MEIOB: variants seen among roughly 807,000 people sequenced by gnomAD.
The protein encoded by MEIOB is meiosis-specific with OB domain-containing protein.
Under a neutral mutation model 53.1 loss-of-function variants are expected in MEIOB, and 50 were observed. The ratio of observed to expected loss-of-function variants is 0.94; its 90% CI spans 0.75 to 1.19. The LOEUF is 1.19. Ranked by LOEUF, MEIOB falls within the 50% of genes most tolerant of loss-of-function variation. The pLI, the probability that MEIOB is intolerant of heterozygous loss-of-function variation, is 0.00. For missense variants in MEIOB, 551 were observed against 550.8 expected (o/e 1.00, Z 0.00); for synonymous variants, 192 against 182.5 (o/e 1.05, Z -0.42).
At position 1,834,206 on chromosome 16, in the gene MEIOB, A is replaced by G; in HGVS notation, c.*50T>C. On this transcript the variant is annotated 3_prime_UTR_variant, in exon 14 of 14. Coordinates refer to ENST00000325962, the MANE Select transcript of MEIOB (RefSeq NM_001163560.3). ...TTTTCAAATTAATATTCCATTTTAAAGGGAGTTAAAACTCTTATACTTTTC... is the reference window on the plus strand; with the variant it reads ...TTTTCAAATTAATATTCCATTTTAAGGGGAGTTAAAACTCTTATACTTTTC... The G allele has an allele frequency of 1.1e-6, 1 of 914,468 alleles. No individual in the cohort carries two copies. Among genetic ancestry groups the G allele is most frequent in the East Asian group, 2.5e-5 (1 of 40,764 alleles). The allele number at this position is 914,468 out of a possible 1,614,324, so 56.6% of individuals were successfully genotyped here.
intron 6 of MEIOB, among the ~76,000 whole-genome samples, chr16:1,857,207 C>A (rs964834998): frequency 1.3e-5 from 2 of 152,132 alleles, no homozygotes; most frequent in Non-Finnish European, 2.9e-5. Flanking sequence ...AAGGGAACAC[C>A]CCCCTGGTGC....
At chr16:1,868,020 C>A (rs1037810117) in intron 2 of MEIOB, 87 bp downstream of exon 2, 3 of 714,280 alleles carry the variant, frequency 4.2e-6, no homozygotes, top group South Asian at 3.8e-5. Context: ...ATTATAAAAG[C>A]ATGTGTTGAA....
At chr16:1,838,026 T>A (rs1203554343) in intron 12 of MEIOB, 156 bp from the exon 13 acceptor site, 2 of 1,375,850 alleles carry the variant, frequency 1.5e-6, no homozygotes, top group East Asian at 2.5e-5. Flanking sequence ...AGACAGGGTC[T>A]CACTCTGTCG....
In MEIOB at chr16:1,858,007, C is replaced by T. The variant is rs773174598; in HGVS notation, c.333-77G>A. ...AAATATTTCCAGGTCCACATTTAAA[C>T]TACATTTTTCATTGAAATTTAGACA... is the stretch of plus-strand genomic sequence containing the variant. On this transcript the variant is annotated intron_variant, in intron 5 of 13. Coordinates refer to ENST00000325962, the MANE Select transcript of MEIOB (RefSeq NM_001163560.3). The T allele has an allele frequency of 3.3e-4, 295 of 898,518 alleles. 2 individuals are homozygous for T. The highest frequency in any genetic ancestry group is 7.0e-4 in the Admixed American group (24 of 34,344). The allele number at this position is 898,518 out of a possible 1,614,324, so 55.7% of individuals were successfully genotyped here. A position where few individuals can be genotyped will look rare whatever the true frequency, so the allele number is the denominator to read the frequency against.
At position 1,839,287 on chromosome 16, in the gene MEIOB, C is replaced by T. The variant is rs777438650; in HGVS notation, c.1186G>A (p.Gly396Arg). ...CCCAAAGTCTCCTCAGCAACACTTC[C>T]TGTGAGACTACAGGAATGAAGGGTG... is the stretch of plus-strand genomic sequence containing the variant. The part of the protein sequence containing the change: ...TGTLHSCSLT[G>R]SVAEETLGCT... The change falls in exon 12 of 14, where the codon GGA becomes AGA. Residue 396 changes from glycine (G) to arginine (R), a missense_variant. Coordinates refer to ENST00000325962, the MANE Select transcript of MEIOB (RefSeq NM_001163560.3). The T allele has an allele frequency of 1.8e-4, 292 of 1,613,424 alleles. 2 individuals are homozygous for T. The highest frequency in any genetic ancestry group is 2.4e-4 in the Non-Finnish European group (287 of 1,179,816).
intron 3 of MEIOB, among the ~76,000 whole-genome samples, chr16:1,862,446 T>G (rs1190657339): frequency 6.6e-6 from 1 of 152,168 alleles, no homozygotes; most frequent in Non-Finnish European, 1.5e-5. Context: ...TCTCCTTTTC[T>G]CTCTTACTGT....
At position 1,868,297 on chromosome 16, in the gene MEIOB, C is replaced by G. The variant is rs1350626998; in HGVS notation, c.-9-113G>C. On this transcript the variant is annotated intron_variant, in intron 1 of 13. Coordinates refer to ENST00000325962, the MANE Select transcript of MEIOB (RefSeq NM_001163560.3). ...TAGGGCCGGACATGGTGGCTCATAC[C>G]TGTAATCCCAGCACTTTGGGAGGCT... 4 of 541,840 alleles carry G rather than the reference C, an allele frequency of 7.4e-6. No homozygotes were observed. The African/African-American group carries it at 7.7e-5, about 10-fold the overall frequency. 33.6% of individuals were successfully genotyped at this position (541,840 alleles called of 1,614,324 possible).
chr16:1,847,265 C>T (rs886929453), intron 9 of MEIOB, among the ~76,000 whole-genome samples: 9 of 151,828 alleles, frequency 5.9e-5, no homozygotes, highest in Admixed American at 5.3e-4. Flanking sequence ...AGTTCAAGAC[C>T]AGGCTGGCCA....
intron 2 of MEIOB, among the ~76,000 whole-genome samples, chr16:1,866,931 T>C (rs2150825262): frequency 6.6e-6 from 1 of 152,284 alleles, no homozygotes; most frequent in Admixed American, 6.5e-5. Flanking sequence ...TTGATATTAT[T>C]TCTTCAATTC....
rs1288652971 is a variant in MEIOB, at chr16:1,865,846, A to G, written c.70-11T>C. 4 of 1,539,104 alleles carry G rather than the reference A, an allele frequency of 2.6e-6. No individual in the cohort carries two copies. In the Admixed American group the frequency reaches 6.1e-5, roughly 24 times the overall value. ...TATACCGATAACTTTCTGAAAAACA[A>G]AAAGGTCACAGAAGACCAATATTAA... On this transcript the variant is annotated splice_polypyrimidine_tract_variant and intron_variant, in intron 2 of 13. Coordinates refer to ENST00000325962, the MANE Select transcript of MEIOB (RefSeq NM_001163560.3).
In MEIOB at chr16:1,837,849, T is replaced by C; in HGVS notation, c.1240A>G (p.Thr414Ala). ...TTTAATGCTGTTTTCTGTTCATCTG[T>C]CATTGCAAGAAACTCATGTACCTGG... ...GCTVHEFLAMTDEQKTALKWQ... is the reference protein window; with the variant it reads ...GCTVHEFLAMADEQKTALKWQ... Residue 414 changes from threonine to alanine, a missense_variant, in exon 13 of 14, where the codon ACA (threonine) becomes GCA (alanine). Transcript: ENST00000325962. The C allele has an allele frequency of 2.6e-6, 4 of 1,534,096 alleles. No homozygotes were observed. Among genetic ancestry groups the C allele is most frequent in the Non-Finnish European group, 3.5e-6 (4 of 1,139,938 alleles).
intron 6 of MEIOB, among the ~76,000 whole-genome samples, chr16:1,854,419 G>T (rs1178596123): frequency 6.6e-6 from 1 of 152,258 alleles, no homozygotes; most frequent in Non-Finnish European, 1.5e-5. Flanking sequence ...AAGAGACACA[G>T]GGAGACAGGT....
At chr16:1,847,113 C>T (rs974854857) in intron 9 of MEIOB, among the ~76,000 whole-genome samples, 4 of 152,114 alleles carry the variant, frequency 2.6e-5, no homozygotes, top group Non-Finnish European at 5.9e-5. Context: ...CGAGATCACG[C>T]CACTGCACTC....
chr16:1,844,498 T>C (rs113636930), intron 10 of MEIOB, among the ~76,000 whole-genome samples: 13 of 151,786 alleles, frequency 8.6e-5, no homozygotes, highest in African/African-American at 3.1e-4. Context: ...CAGGCTGGAG[T>C]GTAGCCTCGC....
Position 1,839,350 on chromosome 16 carries a change from TGAGA to T in MEIOB, c.1119_1122del (p.Phe373LeufsTer6), listed in dbSNP as rs751791205. On this transcript the variant is annotated frameshift_variant, in exon 12 of 14. Transcript: ENST00000325962. LOFTEE classifies it high-confidence loss of function. ...GTCAGATCAATCAGCACATGGAAAC[TGAGA>T]AAGACAGATTTAAAGTCCAAGGAGT... The T allele has an allele frequency of 2.2e-5, 36 of 1,614,108 alleles. No homozygotes were observed. The highest frequency in any genetic ancestry group is 3.1e-5 in the Non-Finnish European group (36 of 1,180,046).
chr16:1,866,164 T>A (rs1899588715), intron 2 of MEIOB, among the ~76,000 whole-genome samples: 1 of 152,246 alleles, frequency 6.6e-6, no homozygotes, highest in Non-Finnish European at 1.5e-5. Context: ...AAAGCACATG[T>A]ATAATGCAAT....
At chr16:1,858,486 C>T (rs144111116) in intron 5 of MEIOB, among the ~76,000 whole-genome samples, 101 of 152,238 alleles carry the variant, frequency 6.6e-4, no homozygotes, top group Non-Finnish European at 1.3e-3. Context: ...CACTGCTCGG[C>T]CTCACTTACC....
At chr16:1,841,996 C>T (rs768808013) in intron 10 of MEIOB, 23 bp from the exon 11 acceptor site, 15 of 1,489,878 alleles carry the variant, frequency 1.0e-5, no homozygotes, top group Admixed American at 2.1e-5. Context: ...AGAAGTATTA[C>T]AGTTCTGTAT....
At position 1,841,889 on chromosome 16, in the gene MEIOB, C is replaced by G. The variant is rs1218501803; in HGVS notation, c.965G>C (p.Gly322Ala). ...TGTGGAAATGTAGGCATAAAGGATG[C>G]CATAGGAAGGATCAGCTTTTCCTTC... ...KNEGKADPSY[G>A]ILYAYISTLN... Residue 322 changes from glycine (G) to alanine (A), a missense_variant, in exon 11 of 14, where the codon GGC (glycine) becomes GCC (alanine). By Grantham distance (60) the Gly-to-Ala change is moderately conservative (BLOSUM62 0). Transcript: ENST00000325962. 1 of 1,608,024 alleles carries G rather than the reference C, an allele frequency of 6.2e-7. No individual in the cohort carries two copies. Among genetic ancestry groups the G allele is most frequent in the East Asian group, 2.2e-5 (1 of 44,690 alleles).
Sources: gnomAD v4.1 joint callset for allele counts (sites outside exome capture counted in the v4.1 genomes callset) on GRCh38, gnomAD v4.1.1 for gene constraint, MANE v1.5 for transcripts, NCBI Gene and HGNC (gene_info 2026-07-23, HGNC 2026-07-21) for gene names.